PLCH1: variants seen among roughly 807,000 people sequenced by gnomAD.
PLCH1 encodes phospholipase C eta 1.
A neutral mutation model predicts 126.7 loss-of-function variants in PLCH1; 60 were observed. The ratio of observed to expected loss-of-function variants is 0.47; its 90% CI spans 0.38 to 0.59. The LOEUF is 0.59. PLCH1 is among the 20% of genes least tolerant of loss of function. The pLI is 0.00. For synonymous variants in PLCH1, 719 were observed against 734.9 expected (o/e 0.98, Z 0.35); for missense variants, 1,723 against 2,040.0 (o/e 0.84, Z 2.99).
intron 2 of PLCH1, among the ~76,000 whole-genome samples, chr3:155,667,542 A>G (rs1559916550): frequency 6.6e-6 from 1 of 152,190 alleles, no homozygotes; most frequent in African/African-American, 2.4e-5. Flanking sequence ...GGCATGAAAA[A>G]ACACACATAT....
intron 1 of PLCH1, among the ~76,000 whole-genome samples, chr3:155,720,020 T>G (rs577031139): frequency 6.6e-6 from 1 of 152,300 alleles, no homozygotes; most frequent in Non-Finnish European, 1.5e-5. Context: ...GGTCTTGAAC[T>G]CCTGACCTCA....
chr3:155,619,834 C>T (rs1216998702), intron 2 of PLCH1, among the ~76,000 whole-genome samples: 1 of 150,992 alleles, frequency 6.6e-6, no homozygotes, highest in African/African-American at 2.4e-5. Flanking sequence ...ATTTCTATGG[C>T]AGATGTTTTT....
In PLCH1 at chr3:155,480,975, C is replaced by T; in HGVS notation, c.5051G>A (p.Arg1684Lys). The change falls in exon 23 of 23, where the codon AGA becomes AAA. Residue 1684 changes from arginine (R) to lysine (K), a missense_variant. Around this residue, in one of 2 missense-constraint regions of PLCH1, gnomAD observed 947 missense variants for 977.1 expected, o/e 0.97. Coordinates refer to ENST00000460012, the MANE Select transcript of PLCH1 (RefSeq NM_014996.4). The part of the protein sequence containing the change: ...DDKPEIYFLL[R>K]L ...AATGCAGTTTTAAATAATTCACAGT[C>T]TCAAAAGAAAATAAATTTCTGGTTT... 1 of 1,580,316 alleles carries T rather than the reference C, an allele frequency of 6.3e-7. No individual in the cohort carries two copies. The highest frequency in any genetic ancestry group is 2.3e-5 in the East Asian group (1 of 44,168).
chr3:155,531,791 T>A (rs1722721484), intron 10 of PLCH1, among the ~76,000 whole-genome samples: 1 of 152,238 alleles, frequency 6.6e-6, no homozygotes, highest in South Asian at 2.1e-4. Context: ...TACCAAACTC[T>A]GCTAGCTCCA....
chr3:155,548,816 T>C (rs542636275), intron 10 of PLCH1, among the ~76,000 whole-genome samples: 7 of 152,364 alleles, frequency 4.6e-5, no homozygotes, highest in Non-Finnish European at 1.0e-4. Flanking sequence ...TCAGAATCTA[T>C]AATTTTATTT....
chr3:155,612,535 A>C (rs772798236), intron 2 of PLCH1, among the ~76,000 whole-genome samples: 37 of 42,828 alleles, frequency 8.6e-4, no homozygotes, highest in African/African-American at 1.4e-3. Context: ...AACAAACAAC[A>C]AAAAAAAAAG....
At chr3:155,661,031 T>G (rs1302379844) in intron 2 of PLCH1, among the ~76,000 whole-genome samples, 1 of 152,184 alleles carries the variant, frequency 6.6e-6, no homozygotes, top group Non-Finnish European at 1.5e-5. Context: ...TCTGCCAAAT[T>G]TGTCAGCATT....
chr3:155,701,546 G>A (rs1746274969), intron 2 of PLCH1, among the ~76,000 whole-genome samples: 1 of 152,066 alleles, frequency 6.6e-6, no homozygotes, highest in Admixed American at 6.5e-5. Flanking sequence ...AAGAAGTTTT[G>A]TTTCTTTTTG....
At position 155,488,072 on chromosome 3, in the gene PLCH1, C is replaced by T; in HGVS notation, c.2575G>A (p.Ala859Thr). The change falls in exon 21 of 23, where the codon GCA becomes ACA. Residue 859 changes from alanine to threonine, a missense_variant. Around this residue, in one of 2 missense-constraint regions of PLCH1, gnomAD observed 776 missense variants for 1,062.9 expected, o/e 0.73. Transcript: ENST00000460012. ...ATGGTTATGTGTACAAATATGGATG[C>T]TTCTGTCAGTCCTTCCAAATAGACA... ...RHVYLEGLTE[A>T]SIFVHITINE... 6.2e-7 allele frequency: 1 copy of T among 1,609,112 alleles called. No individual in the cohort carries two copies. Among genetic ancestry groups the T allele is most frequent in the Non-Finnish European group, 8.5e-7 (1 of 1,175,346 alleles).
At chr3:155,667,775 G>A (rs1742895012) in intron 2 of PLCH1, among the ~76,000 whole-genome samples, 6 of 151,580 alleles carry the variant, frequency 4.0e-5, no homozygotes, top group Admixed American at 4.0e-4. Flanking sequence ...CATCAAAAGA[G>A]TCACGTTGGC....
At chr3:155,511,462 T>C (rs1426648342) in intron 12 of PLCH1, among the ~76,000 whole-genome samples, 2 of 97,722 alleles carry the variant, frequency 2.0e-5, no homozygotes, top group Middle Eastern at 9.8e-3. Flanking sequence ...TTTTCTGTTC[T>C]GTTTTTTCCC....
intron 4 of PLCH1, 25 bp from the exon 5 acceptor site, chr3:155,586,219 CT>C (rs1560205216): frequency 1.2e-6 from 2 of 1,609,900 alleles, no homozygotes; most frequent in East Asian, 4.5e-5. Context: ...AAGAAAACAC[CT>C]GTGCTCTCAT....
intron 21 of PLCH1, among the ~76,000 whole-genome samples, chr3:155,470,275 G>A (rs922758364): frequency 3.9e-5 from 6 of 152,184 alleles, no homozygotes; most frequent in Non-Finnish European, 7.3e-5. Context: ...ACTACGTGAA[G>A]AATACAGAAG....
At chr3:155,491,311 C>T (rs888534674) in intron 18 of PLCH1, among the ~76,000 whole-genome samples, 9 of 152,076 alleles carry the variant, frequency 5.9e-5, no homozygotes, top group East Asian at 1.9e-4. Flanking sequence ...TAGCTCAGGT[C>T]GGAGTGCAGT....
chr3:155,692,559 T>TTTTGC (rs1745474501), intron 2 of PLCH1, among the ~76,000 whole-genome samples: 1 of 151,700 alleles, frequency 6.6e-6, no homozygotes. Context: ...ATTGTTTTTG[T>TTTTGC]TTTGTTTTGT....
intron 1 of PLCH1, chr3:155,742,281 C>T (rs1356654469): frequency 6.6e-6 from 1 of 152,002 alleles, no homozygotes; most frequent in Non-Finnish European, 1.5e-5. Context: ...ATTATGGCAC[C>T]CTAACAAGGA....
At chr3:155,563,264 A>G (rs190547471) in intron 8 of PLCH1, among the ~76,000 whole-genome samples, 5 of 152,258 alleles carry the variant, frequency 3.3e-5, no homozygotes, top group Admixed American at 2.0e-4. Flanking sequence ...TGGAATCCTT[A>G]TCTTGCCCAG....
intron 11 of PLCH1, among the ~76,000 whole-genome samples, chr3:155,519,524 C>G (rs1020833305): frequency 6.6e-6 from 1 of 151,956 alleles, no homozygotes; most frequent in Non-Finnish European, 1.5e-5. Context: ...CTGGGAAGAT[C>G]CAGGAAAGGG....
intron 2 of PLCH1, among the ~76,000 whole-genome samples, chr3:155,652,265 A>T (rs1245223119): frequency 2.0e-5 from 3 of 152,182 alleles, no homozygotes; most frequent in Non-Finnish European, 4.4e-5. Context: ...TTAAATTCCT[A>T]GATCTGATCA....
Sources: gnomAD v4.1 joint callset for allele counts (sites outside exome capture counted in the v4.1 genomes callset) on GRCh38, gnomAD v4.1.1 for gene constraint, gnomAD v4.1.1 regional missense constraint, MANE v1.5 for transcripts, NCBI Gene and HGNC (gene_info 2026-07-23, HGNC 2026-07-21) for gene names.